The following METTL8 variants were observed in gnomAD, a reference collection of about 807,000 sequenced individuals.
The protein encoded by METTL8 is tRNA N(3)-cytidine methyltransferase METTL8, mitochondrial.
Under a neutral mutation model 48.7 loss-of-function variants are expected in METTL8, and 32 were observed. The ratio of observed to expected loss-of-function variants is 0.66; its 90% CI spans 0.50 to 0.88. The LOEUF (loss-of-function observed/expected upper bound fraction) is 0.88. Among genes scored for constraint, METTL8 ranks in the 40% least tolerant of loss-of-function variants. METTL8 has a pLI of 0.00. For synonymous variants in METTL8, 136 were observed against 157.1 expected, an observed-to-expected ratio of 0.87 and a Z score of 1.01; for missense variants, 464 against 474.4, an observed-to-expected ratio of 0.98 and a Z score of 0.20.
At chr2:171,355,563 G>A (rs1684438485) in intron 3 of METTL8, among the ~76,000 whole-genome samples, 1 of 152,228 alleles carries the variant, frequency 6.6e-6, no homozygotes, top group South Asian at 2.1e-4. Context: ...CCTGCCCCCA[G>A]AGGTGGAGTC....
At chr2:171,352,589 A>C (rs866684009) in intron 3 of METTL8, among the ~76,000 whole-genome samples, 263 of 152,256 alleles carry the variant, frequency 1.7e-3, no homozygotes, top group Middle Eastern at 6.8e-3. Flanking sequence ...CTGTGAATCC[A>C]TCTGGTCCTG....
intron 3 of METTL8, among the ~76,000 whole-genome samples, chr2:171,347,699 T>C (rs1029139583): frequency 6.6e-6 from 1 of 152,226 alleles, no homozygotes; most frequent in Non-Finnish European, 1.5e-5. Flanking sequence ...GTGGAAAATA[T>C]GTCTGTGCAG....
intron 9 of METTL8, among the ~76,000 whole-genome samples, chr2:171,325,121 CAAA>C (rs3835041): frequency 2.6e-5 from 2 of 76,046 alleles, no homozygotes; most frequent in Admixed American, 1.6e-4. Flanking sequence ...GACTCTGTCT[CAAA>C]AAAAAAAAAA....
chr2:171,396,357 G>A (rs942952695), intron 1 of METTL8, among the ~76,000 whole-genome samples: 11 of 152,000 alleles, frequency 7.2e-5, no homozygotes, highest in African/African-American at 2.7e-4. Flanking sequence ...AATATTAAAT[G>A]TTAATATTTT....
At chr2:171,395,014 G>C (rs1688924033) in intron 1 of METTL8, among the ~76,000 whole-genome samples, 2 of 152,150 alleles carry the variant, frequency 1.3e-5, no homozygotes, top group African/African-American at 4.8e-5. Context: ...GTTAGCCTAA[G>C]GTTTGCTGGT....
At chr2:171,379,621 A>G (rs1268912797) in intron 2 of METTL8, among the ~76,000 whole-genome samples, 1 of 152,204 alleles carries the variant, frequency 6.6e-6, no homozygotes, top group African/African-American at 2.4e-5. Flanking sequence ...AGTACTATAA[A>G]CACTTCCAGG....
intron 1 of METTL8, among the ~76,000 whole-genome samples, chr2:171,415,142 G>A (rs1035943969): frequency 6.6e-6 from 1 of 151,966 alleles, no homozygotes; most frequent in Non-Finnish European, 1.5e-5. Context: ...AACATGGTAT[G>A]AAAAGATGTC....
intron 3 of METTL8, among the ~76,000 whole-genome samples, chr2:171,350,935 T>C (rs2105447113): frequency 6.6e-6 from 1 of 152,352 alleles, no homozygotes; most frequent in East Asian, 1.9e-4. Context: ...CTGATGGTAG[T>C]TTCTTTTGCT....
intron 9 of METTL8, among the ~76,000 whole-genome samples, chr2:171,325,013 T>C (rs917486597): frequency 2.8e-5 from 4 of 144,596 alleles, no homozygotes; most frequent in African/African-American, 1.0e-4. Context: ...TCCCAGCTAC[T>C]TGGGAGGCTG....
chr2:171,362,905 A>G (rs898312362), intron 2 of METTL8, among the ~76,000 whole-genome samples: 3 of 152,196 alleles, frequency 2.0e-5, no homozygotes, highest in African/African-American at 4.8e-5. Context: ...TGTGAAATTA[A>G]AGGCAACAAG....
chr2:171,376,232 T>C (rs1559136597), intron 2 of METTL8, among the ~76,000 whole-genome samples: 3 of 152,162 alleles, frequency 2.0e-5, no homozygotes, highest in South Asian at 2.1e-4. Flanking sequence ...CTACCACTTG[T>C]GTAAAACATT....
chr2:171,403,102 C>T (rs1689804942), intron 1 of METTL8, among the ~76,000 whole-genome samples: 1 of 152,122 alleles, frequency 6.6e-6, no homozygotes, highest in Non-Finnish European at 1.5e-5. Flanking sequence ...ATACTCTTCC[C>T]TTAAGGAAGT....
At chr2:171,428,086 G>A (rs1239745155) in intron 1 of METTL8, among the ~76,000 whole-genome samples, 4 of 151,962 alleles carry the variant, frequency 2.6e-5, no homozygotes, top group Non-Finnish European at 5.9e-5. Flanking sequence ...TCATGGCTAG[G>A]ATGGTTAAGT....
intron 4 of METTL8, 130 bp downstream of exon 4, chr2:171,339,046 TGCACAGAA>T: frequency 1.7e-6 from 1 of 596,048 alleles, no homozygotes. Flanking sequence ...ATATTATTTA[TGCACAGAA>T]GTACACTGAA....
At position 171,323,718 on chromosome 2, in the gene METTL8, G is replaced by C. The variant is rs141760456; in HGVS notation, c.*454C>G. 5 of 152,884 alleles carry C rather than the reference G, an allele frequency of 3.3e-5. No homozygotes were observed. The highest frequency in any genetic ancestry group is 1.2e-4 in the African/African-American group (5 of 41,462). The allele number at this position is 152,884 out of a possible 1,614,324, so 9.5% of individuals were successfully genotyped here. On this transcript the variant is annotated 3_prime_UTR_variant, in exon 10 of 10. Transcript: ENST00000375258. ...AATAATACACTTTGACCTTGGGCTT[G>C]TTGTAGCTTTCCCTGGAAATAAGGT...
chr2:171,412,581 TA>T (rs58731347), intron 1 of METTL8, among the ~76,000 whole-genome samples: 8,463 of 144,712 alleles, frequency 0.058, 252 homozygotes, highest in African/African-American at 0.076. Flanking sequence ...TTATTTGCCT[TA>T]AAAAAAAAAA....
At chr2:171,335,149 G>T (rs1575739644) in intron 5 of METTL8, among the ~76,000 whole-genome samples, 1 of 152,132 alleles carries the variant, frequency 6.6e-6, no homozygotes, top group East Asian at 1.9e-4. Flanking sequence ...AACTAACAAA[G>T]ACACAAACAG....
intron 2 of METTL8, 114 bp downstream of exon 2, chr2:171,391,929 C>A (rs1412172985): frequency 9.3e-7 from 1 of 1,074,030 alleles, no homozygotes; most frequent in Non-Finnish European, 1.3e-6. Flanking sequence ...TGGACCTCTA[C>A]AACATGAGTT....
chr2:171,356,952 A>ATGTTTTTGTTTTTTTTTTTTTTTTTT, intron 3 of METTL8, among the ~76,000 whole-genome samples: 2 of 78,468 alleles, frequency 2.5e-5, no homozygotes, highest in Non-Finnish European at 2.4e-5. Context: ...CAAAGACAAT[A>ATGTTTTTGTTTTTTTTTTTTTTTTTT]TTTTTTTTTT....
Sources: gnomAD v4.1 joint callset for allele counts (sites outside exome capture counted in the v4.1 genomes callset) on GRCh38, gnomAD v4.1.1 for gene constraint, MANE v1.5 for transcripts, NCBI Gene and HGNC (gene_info 2026-07-23, HGNC 2026-07-21) for gene names.